The following MCF2 variants were observed in gnomAD, a reference collection of about 807,000 sequenced individuals.
MCF2 encodes the protein proto-oncogene DBL.
MCF2 carries 44 observed loss-of-function variants against 82.5 expected under a neutral mutation model. The ratio of observed to expected loss-of-function variants is 0.53; its 90% CI spans 0.42 to 0.69. The LOEUF (loss-of-function observed/expected upper bound fraction) is 0.69. MCF2 is among the 30% of genes least tolerant of loss of function. MCF2 has a pLI of 0.00. For synonymous variants in MCF2, 217 were observed against 224.9 expected (o/e 0.96, Z 0.32); for missense variants, 623 against 663.1 (o/e 0.94, Z 0.66).
At chrX:139,644,440 T>C (rs1400499793), upstream of MCF2, among the ~76,000 whole-genome samples, 2 of 112,536 alleles carry the variant, frequency 1.8e-5, no homozygotes, top group South Asian at 3.7e-4. Context: ...TAATATGCTA[T>C]AGAAAGTCAA....
At chrX:139,639,793 T>C (rs1933455776) in intron 1 of MCF2, among the ~76,000 whole-genome samples, 1 of 112,199 alleles carries the variant, frequency 8.9e-6, no homozygotes, top group African/African-American at 3.2e-5. Flanking sequence ...ATGTTTAAAG[T>C]AACTTATAAA....
chrX:139,626,639 A>C lies in MCF2; in HGVS notation c.556T>G (p.Trp186Gly), dbSNP rs147593593. The stretch of plus-strand genomic sequence containing the variant: ...AGTACTCACTTATTAATAGTTTGCC[A>C]GTCACCACTTATTTGCCGATGACAT... Residue 186 changes from tryptophan to glycine, a missense_variant, in exon 5 of 25, where the codon TGG (tryptophan) becomes GGG (glycine). By Grantham distance (184) the Trp-to-Gly change is radical (BLOSUM62 -2). Coordinates refer to ENST00000370576, the Ensembl canonical transcript of MCF2. The C allele has an allele frequency of 4.1e-6, 5 of 1,207,522 alleles. No homozygotes were observed. The African/African-American group carries it at 8.7e-5, about 21-fold the overall frequency.
intron 16 of MCF2, among the ~76,000 whole-genome samples, chrX:139,599,045 C>A (rs1314725366): frequency 9.2e-6 from 1 of 109,125 alleles, no homozygotes; most frequent in Non-Finnish European, 1.9e-5. Context: ...TTGTAGGGGC[C>A]CATAGTTAGG....
intron 1 of MCF2, among the ~76,000 whole-genome samples, chrX:139,678,986 T>C (rs917437047): frequency 5.3e-5 from 6 of 112,279 alleles, no homozygotes; most frequent in African/African-American, 1.9e-4. Flanking sequence ...CCAAGTAGAA[T>C]TTTACCCCTC....
Position 139,664,065 on chromosome X carries a change from T to C in MCF2, c.-44-12277A>G, listed in dbSNP as rs193051687. Among the ~76,000 whole-genome samples the C allele has an allele frequency of 8.0e-3, 887 of 110,594 alleles. 7 individuals carry two copies. The highest frequency in any genetic ancestry group is 0.027 in the African/African-American group (812 of 30,325). On this transcript the variant is annotated intron_variant, in intron 1 of 27. Coordinates refer to the MCF2 transcript ENST00000414978. ...TGTCACCCAGGCTGGAGTGCAGTGG[T>C]GCGATTTCGGCTCACTGCAACCTCT...
chrX:139,665,035 G>A (rs974447244), intron 1 of MCF2, among the ~76,000 whole-genome samples: 1 of 111,253 alleles, frequency 9.0e-6, no homozygotes, highest in Admixed American at 9.6e-5. Flanking sequence ...CTGTGGCTGA[G>A]TTGTTACCCA....
At chrX:139,693,273 C>T (rs1935315037) in intron 1 of MCF2, among the ~76,000 whole-genome samples, 1 of 111,774 alleles carries the variant, frequency 8.9e-6, no homozygotes, top group Admixed American at 9.5e-5. Context: ...CCCAATTTTG[C>T]TCTAATGCTT....
At chrX:139,620,744 T>C (rs1439886856) in intron 6 of MCF2, among the ~76,000 whole-genome samples, 1 of 111,765 alleles carries the variant, frequency 8.9e-6, no homozygotes, top group Non-Finnish European at 1.9e-5. Flanking sequence ...AAACATTCCA[T>C]GCTCATAGAT....
intron 1 of MCF2, among the ~76,000 whole-genome samples, chrX:139,635,298 C>T (rs1021609461): frequency 3.2e-4 from 35 of 110,471 alleles, no homozygotes; most frequent in Middle Eastern, 4.7e-3. Flanking sequence ...AGAGTTCCAA[C>T]GGTAATGTAT....
chrX:139,688,266 A>T (rs1305196487), intron 1 of MCF2, among the ~76,000 whole-genome samples: 4 of 111,695 alleles, frequency 3.6e-5, no homozygotes, highest in African/African-American at 1.3e-4. Context: ...GACAATCTTA[A>T]CCCATCAAAA....
intron 11 of MCF2, among the ~76,000 whole-genome samples, chrX:139,609,226 C>G (rs970568604): frequency 8.9e-6 from 1 of 111,975 alleles, no homozygotes; most frequent in African/African-American, 3.2e-5. Context: ...TCTTTATTTA[C>G]CACAAAAAAC....
At chrX:139,691,748 G>T (rs1935269774) in intron 1 of MCF2, among the ~76,000 whole-genome samples, 1 of 106,245 alleles carries the variant, frequency 9.4e-6, no homozygotes, top group Admixed American at 1.0e-4. Context: ...GCGGGCGGGC[G>T]GGCGGGCGAG....
At chrX:139,636,680 A>G (rs1163795352) in intron 1 of MCF2, among the ~76,000 whole-genome samples, 1 of 111,911 alleles carries the variant, frequency 8.9e-6, no homozygotes, top group African/African-American at 3.2e-5. Flanking sequence ...AGCCAGGTCC[A>G]GAGACAGCTG....
intron 1 of MCF2, among the ~76,000 whole-genome samples, chrX:139,663,321 G>T (rs766848935): frequency 3.9e-4 from 44 of 111,928 alleles, no homozygotes; most frequent in African/African-American, 1.4e-3. Flanking sequence ...CATAAAATGT[G>T]GTCTATCCTG....
At chrX:139,645,332 A>C (rs1386254341), upstream of MCF2, among the ~76,000 whole-genome samples, 2 of 111,085 alleles carry the variant, frequency 1.8e-5, no homozygotes, top group African/African-American at 6.6e-5. Flanking sequence ...TAGAACCATG[A>C]ATCTCTTCTC....
intron 6 of MCF2, among the ~76,000 whole-genome samples, chrX:139,624,822 C>T (rs927873718): frequency 9.0e-5 from 10 of 110,931 alleles, no homozygotes; most frequent in African/African-American, 3.3e-4. Context: ...ATCCCTATTA[C>T]TAGAAAAAAT....
chrX:139,598,498 C>T, exon 17 of MCF2: 1 of 1,061,549 alleles, frequency 9.4e-7, no homozygotes. Context: ...CTTTGACATT[C>T]CTGTCATTAA....
intron 10 of MCF2, among the ~76,000 whole-genome samples, chrX:139,611,281 C>T (rs904595128): frequency 1.8e-5 from 2 of 111,815 alleles, no homozygotes; most frequent in Non-Finnish European, 3.8e-5. Context: ...CTCTAGACTC[C>T]ATACTTCACT....
exon 19 of MCF2, chrX:139,596,678 C>T: frequency 8.3e-7 from 1 of 1,209,314 alleles, no homozygotes; most frequent in African/African-American, 1.7e-5. Context: ...TGAATCTAGC[C>T]AAATCCTTCA....
Sources: allele counts gnomAD v4.1 joint callset (sites outside exome capture counted in the v4.1 genomes callset), GRCh38; gene constraint gnomAD v4.1.1; transcripts MANE v1.5; gene names NCBI Gene and HGNC (gene_info 2026-07-23, HGNC 2026-07-21).